Variants in DENND1A observed in about 807,000 individuals in gnomAD.
DENND1A encodes the protein DENN domain containing 1A, also known as DENN domain-containing protein 1A.
A neutral mutation model predicts 113.7 loss-of-function variants in DENND1A; 51 were observed. The observed-to-expected ratio is 0.45, with a 90% CI of 0.36 to 0.57. DENND1A has a LOEUF of 0.57. Ranked by LOEUF, DENND1A falls within the 20% of genes least tolerant of loss-of-function variation. DENND1A has a pLI of 0.00. For missense variants in DENND1A, 1,258 were observed against 1,395.9 expected (o/e 0.90, Z 1.57); for synonymous variants, 565 against 570.8 (o/e 0.99, Z 0.14).
At chr9:123,474,440 ATTTTAAGCAAAAAT>A (rs1472815852) in intron 13 of DENND1A, among the ~76,000 whole-genome samples, 2 of 149,842 alleles carry the variant, frequency 1.3e-5, no homozygotes, top group Non-Finnish European at 2.9e-5. Context: ...AAAGTTTAAA[ATTTTAAGCAAAAAT>A]TTTTAAGCAA....
At chr9:123,613,099 A>T (rs1316117357) in intron 10 of DENND1A, among the ~76,000 whole-genome samples, 1 of 152,146 alleles carries the variant, frequency 6.6e-6, no homozygotes, top group African/African-American at 2.4e-5. Context: ...ATCTCTACAC[A>T]TGGATTTCTG....
intron 13 of DENND1A, among the ~76,000 whole-genome samples, chr9:123,536,175 C>A (rs896784818): frequency 1.3e-5 from 2 of 152,180 alleles, no homozygotes; most frequent in Non-Finnish European, 2.9e-5. Context: ...GACCTCAGCA[C>A]AAGTAGACCT....
chr9:123,546,216 T>A (rs2056667312), intron 13 of DENND1A, among the ~76,000 whole-genome samples: 1 of 152,122 alleles, frequency 6.6e-6, no homozygotes, highest in Non-Finnish European at 1.5e-5. Context: ...GGCTTATTCC[T>A]CTCAGGTTCT....
At chr9:123,826,035 A>G (rs1839277427) in intron 2 of DENND1A, among the ~76,000 whole-genome samples, 1 of 152,246 alleles carries the variant, frequency 6.6e-6, no homozygotes, top group African/African-American at 2.4e-5. Context: ...ACCCTAGAGC[A>G]GAGCTATAAC....
At chr9:123,485,271 C>T (rs1402543388) in intron 13 of DENND1A, among the ~76,000 whole-genome samples, 1 of 152,222 alleles carries the variant, frequency 6.6e-6, no homozygotes. Flanking sequence ...CAGCTCCGCA[C>T]TATCACTAGG....
chr9:123,446,922 G>T (rs2047350825), intron 18 of DENND1A, among the ~76,000 whole-genome samples: 1 of 152,248 alleles, frequency 6.6e-6, no homozygotes, highest in Non-Finnish European at 1.5e-5. Context: ...AGAAAAAAGA[G>T]AAAAATTTCA....
chr9:123,669,300 C>T (rs953764480), intron 7 of DENND1A, among the ~76,000 whole-genome samples: 4 of 151,902 alleles, frequency 2.6e-5, no homozygotes, highest in Non-Finnish European at 5.9e-5. Context: ...GAGGAATTCC[C>T]AGTGAAAAGG....
intron 4 of DENND1A, among the ~76,000 whole-genome samples, chr9:123,760,871 C>G (rs2070978135): frequency 6.6e-6 from 1 of 152,078 alleles, no homozygotes; most frequent in African/African-American, 2.4e-5. Flanking sequence ...TGGATGATTC[C>G]AAGTTACAAA....
chr9:123,383,786 C>T lies in DENND1A; in HGVS notation c.1888G>A (p.Asp630Asn), dbSNP rs571858526. ...PAPPDRAASI[D>N]LLEDVFSNLD... ...TTGCTGAAGACGTCTTCCAGAAGGT[C>T]GATGCTGGCAGCCCGGTCAGGGGGA... The change falls in exon 23 of 24, where the codon GAC (aspartate) becomes AAC (asparagine). Residue 630 changes from aspartate to asparagine, a missense_variant. Physicochemically the swap from Asp to Asn is conservative, Grantham distance 23. Coordinates refer to ENST00000394215, the MANE Select transcript of DENND1A (RefSeq NM_001352964.2). 2.9e-5 allele frequency: 47 copies of T among 1,614,104 alleles called. No homozygotes were observed. Among genetic ancestry groups the T allele is most frequent in the East Asian group, 2.2e-4 (10 of 44,880 alleles).
chr9:123,511,801 T>C (rs931519568), intron 13 of DENND1A, among the ~76,000 whole-genome samples: 10 of 152,176 alleles, frequency 6.6e-5, no homozygotes, highest in African/African-American at 2.4e-4. Context: ...CAGGCGGGAA[T>C]GGGGACAGGA....
chr9:123,409,208 T>C (rs2044116299), intron 20 of DENND1A, among the ~76,000 whole-genome samples: 1 of 152,184 alleles, frequency 6.6e-6, no homozygotes, highest in Non-Finnish European at 1.5e-5. Context: ...TCTTCTCCTC[T>C]GTGTCTCTGC....
intron 2 of DENND1A, among the ~76,000 whole-genome samples, chr9:123,811,799 C>T (rs968692735): frequency 2.0e-5 from 3 of 151,990 alleles, no homozygotes; most frequent in African/African-American, 7.3e-5. Flanking sequence ...TGCCTCTTTG[C>T]CAAACATCCA....
At chr9:123,550,145 T>A (rs1205907076) in intron 13 of DENND1A, among the ~76,000 whole-genome samples, 1 of 152,202 alleles carries the variant, frequency 6.6e-6, no homozygotes, top group Non-Finnish European at 1.5e-5. Context: ...CAGAATCACA[T>A]GCAAAATCAT....
At chr9:123,721,724 C>G (rs1251182907) in intron 5 of DENND1A, among the ~76,000 whole-genome samples, 1 of 152,156 alleles carries the variant, frequency 6.6e-6, no homozygotes, top group East Asian at 1.9e-4. Context: ...CTGTCTTTAC[C>G]TGCTTCCATC....
intron 1 of DENND1A, among the ~76,000 whole-genome samples, chr9:123,886,254 C>A (rs599362): frequency 0.086 from 13,057 of 151,506 alleles, 938 homozygotes; most frequent in African/African-American, 0.2. Flanking sequence ...TTAGGATCTA[C>A]TTTTCCTCAA....
intron 5 of DENND1A, among the ~76,000 whole-genome samples, chr9:123,729,288 AG>A (rs567659918): frequency 5.3e-5 from 8 of 152,198 alleles, no homozygotes; most frequent in Non-Finnish European, 1.2e-4. Flanking sequence ...AAAGAAATAA[AG>A]GGCATTCAAA....
intron 5 of DENND1A, among the ~76,000 whole-genome samples, chr9:123,721,970 A>G (rs1031452004): frequency 6.6e-6 from 1 of 152,232 alleles, no homozygotes; most frequent in Admixed American, 6.5e-5. Context: ...CAGAGACTGG[A>G]ACAGTTTGGA....
chr9:123,434,820 G>A (rs2046395580), intron 19 of DENND1A, among the ~76,000 whole-genome samples: 1 of 152,170 alleles, frequency 6.6e-6, no homozygotes, highest in Admixed American at 6.5e-5. Context: ...CATGCTTACA[G>A]TAAGTGCATG....
intron 5 of DENND1A, among the ~76,000 whole-genome samples, chr9:123,753,778 G>A (rs1458711266): frequency 6.6e-6 from 1 of 152,226 alleles, no homozygotes; most frequent in Non-Finnish European, 1.5e-5. Context: ...AAACAAAGGA[G>A]GACCAAGGTT....
Sources: allele counts gnomAD v4.1 joint callset (sites outside exome capture counted in the v4.1 genomes callset), GRCh38; gene constraint gnomAD v4.1.1; transcripts MANE v1.5; gene names NCBI Gene and HGNC (gene_info 2026-07-23, HGNC 2026-07-21).